Variants in CSMD1 observed in about 807,000 individuals in gnomAD.
CSMD1 encodes CUB and Sushi multiple domains 1, also known as CUB and sushi domain-containing protein 1.
In CSMD1, 213 loss-of-function variants were observed where a neutral mutation model predicts 417.5. The observed-to-expected ratio is 0.51, with a 90% CI of 0.46 to 0.57. The LOEUF (loss-of-function observed/expected upper bound fraction) is 0.57, where lower values mean the gene tolerates loss of function less well. Ranked by LOEUF, CSMD1 falls within the 20% of genes least tolerant of loss-of-function variation. The probability of loss-of-function intolerance (pLI) is 0.00; values close to 1 mark genes in which losing one functional copy is unlikely to be tolerated. For synonymous variants in CSMD1, 2,862 were observed against 1,736.8 expected, an observed-to-expected ratio of 1.65 and a Z score of -16.11; for missense variants, 6,923 against 4,529.7, an observed-to-expected ratio of 1.53 and a Z score of -15.17.
chr8:4,930,276 T>A (rs1472330770), intron 1 of CSMD1, among the ~76,000 whole-genome samples: 1 of 152,220 alleles, frequency 6.6e-6, no homozygotes, highest in Non-Finnish European at 1.5e-5. Context: ...ACAAAATTTA[T>A]TTCATGTAAA....
At chr8:2,996,963 C>T (rs2128952447) in intron 54 of CSMD1, among the ~76,000 whole-genome samples, 1 of 152,366 alleles carries the variant, frequency 6.6e-6, no homozygotes, top group East Asian at 1.9e-4. Flanking sequence ...AAGCTCACCC[C>T]TGTGCACCTG....
chr8:4,788,438 A>T, intron 1 of CSMD1: 1 of 1,330,484 alleles, frequency 7.5e-7, no homozygotes, highest in South Asian at 1.2e-5. Flanking sequence ...CTGTTCAACC[A>T]CACTTTCTCC....
chr8:3,259,461 A>C (rs765836365), intron 26 of CSMD1, among the ~76,000 whole-genome samples: 7 of 152,200 alleles, frequency 4.6e-5, no homozygotes, highest in African/African-American at 7.2e-5. Flanking sequence ...CAGGATGCAT[A>C]TCATTCTTAA....
intron 1 of CSMD1, among the ~76,000 whole-genome samples, chr8:4,768,998 A>G (rs571286310): frequency 6.6e-6 from 1 of 152,284 alleles, no homozygotes; most frequent in South Asian, 2.1e-4. Context: ...TGTGAAGAAG[A>G]GACCAATATA....
chr8:3,560,385 C>G (rs1237302829), intron 10 of CSMD1, among the ~76,000 whole-genome samples: 1 of 152,064 alleles, frequency 6.6e-6, no homozygotes, highest in Non-Finnish European at 1.5e-5. Context: ...CATTGAGAGT[C>G]AAGAATTTCA....
chr8:4,510,864 C>T (rs956269270), intron 2 of CSMD1, among the ~76,000 whole-genome samples: 1 of 133,186 alleles, frequency 7.5e-6, no homozygotes, highest in African/African-American at 2.7e-5. Context: ...CCCTTCCCTT[C>T]CCTTCCTTCC....
At chr8:4,279,460 C>G (rs1796662017) in intron 3 of CSMD1, among the ~76,000 whole-genome samples, 1 of 152,086 alleles carries the variant, frequency 6.6e-6, no homozygotes. Flanking sequence ...GTCCCAGTAG[C>G]CCATTTAATA....
intron 1 of CSMD1, among the ~76,000 whole-genome samples, chr8:4,861,685 G>C (rs1802141849): frequency 6.6e-6 from 1 of 152,028 alleles, no homozygotes; most frequent in East Asian, 1.9e-4. Flanking sequence ...ACAACACAGT[G>C]ATCTCAAAAA....
chr8:4,483,538 A>G (rs1418651550), intron 2 of CSMD1, among the ~76,000 whole-genome samples: 1 of 152,238 alleles, frequency 6.6e-6, no homozygotes, highest in African/African-American at 2.4e-5. Context: ...CAAGGACACC[A>G]AAACTTATAT....
chr8:4,398,157 A>G (rs984163681), intron 3 of CSMD1, among the ~76,000 whole-genome samples: 6 of 152,144 alleles, frequency 3.9e-5, no homozygotes, highest in African/African-American at 7.2e-5. Flanking sequence ...TGGTTCTACA[A>G]TGACAAGTTT....
At chr8:4,347,296 C>G (rs1433752636) in intron 3 of CSMD1, among the ~76,000 whole-genome samples, 4 of 152,114 alleles carry the variant, frequency 2.6e-5, no homozygotes, top group African/African-American at 9.7e-5. Context: ...TAAACAGCAG[C>G]AGCAGCAACT....
Position 4,780,472 on chromosome 8 carries a change from C to A in CSMD1, c.86-142914G>T, listed in dbSNP as rs139804009. Reference sequence around the variant, plus strand: ...ACCTACCTATCATCTCTCTCTGGCTCCTTTATATAGCCCTTTTAACCTTTT... The same window carrying A: ...ACCTACCTATCATCTCTCTCTGGCTACTTTATATAGCCCTTTTAACCTTTT... On this transcript the variant is annotated intron_variant, in intron 1 of 69. Transcript: ENST00000635120. 2.6e-4 allele frequency among the ~76,000 whole-genome samples: 39 copies of A among 152,256 alleles called. No individual in the cohort carries two copies. In the East Asian group the frequency reaches 6.6e-3, roughly 26 times the overall value.
intron 1 of CSMD1, among the ~76,000 whole-genome samples, chr8:4,725,539 T>G (rs1358732957): frequency 2.0e-5 from 3 of 152,126 alleles, no homozygotes; most frequent in Non-Finnish European, 4.4e-5. Context: ...CGAACTCCAT[T>G]CCAGGATATT....
chr8:3,763,882 C>T (rs560956061), intron 5 of CSMD1, among the ~76,000 whole-genome samples: 3 of 152,278 alleles, frequency 2.0e-5, no homozygotes, highest in South Asian at 2.1e-4. Flanking sequence ...CTCAGCACCC[C>T]TGACTGGAGA....
intron 2 of CSMD1, among the ~76,000 whole-genome samples, chr8:4,429,222 C>CT (rs985695548): frequency 6.6e-6 from 1 of 151,726 alleles, no homozygotes; most frequent in Non-Finnish European, 1.5e-5. Flanking sequence ...ACACGAATAT[C>CT]TGGTTATGTT....
At chr8:4,215,917 C>T (rs530660249) in intron 3 of CSMD1, among the ~76,000 whole-genome samples, 4 of 152,258 alleles carry the variant, frequency 2.6e-5, no homozygotes, top group African/African-American at 7.2e-5. Context: ...ACAAAGAGAA[C>T]GTGGATTCAT....
At chr8:4,459,487 A>C (rs1799678788) in intron 2 of CSMD1, among the ~76,000 whole-genome samples, 2 of 152,210 alleles carry the variant, frequency 1.3e-5, no homozygotes, top group African/African-American at 2.4e-5. Context: ...ATTCAAATCC[A>C]AGGTTGCTCT....
intron 5 of CSMD1, among the ~76,000 whole-genome samples, chr8:3,846,284 A>G (rs1005547575): frequency 2.6e-5 from 4 of 152,310 alleles, no homozygotes; most frequent in South Asian, 2.1e-4. Flanking sequence ...TACCATGTCA[A>G]TAGGTGATAG....
At chr8:3,635,819 AG>A (rs1797016657) in intron 7 of CSMD1, among the ~76,000 whole-genome samples, 2 of 150,392 alleles carry the variant, frequency 1.3e-5, no homozygotes, top group African/African-American at 4.9e-5. Context: ...AAAAAAAGAA[AG>A]AAAGAAAGAA....
Sources: allele counts gnomAD v4.1 joint callset (sites outside exome capture counted in the v4.1 genomes callset), GRCh38; gene constraint gnomAD v4.1.1; transcripts MANE v1.5; gene names NCBI Gene and HGNC (gene_info 2026-07-23, HGNC 2026-07-21).